The following KIAA0319L variants were observed in gnomAD, a reference collection of about 807,000 sequenced individuals.
KIAA0319L encodes dyslexia-associated protein KIAA0319-like protein.
Under a neutral mutation model 120.1 loss-of-function variants are expected in KIAA0319L, and 55 were observed. The observed-to-expected ratio is 0.46, with a 90% confidence interval of 0.37 to 0.57. The LOEUF (loss-of-function observed/expected upper bound fraction) is 0.57, where lower values mean the gene tolerates loss of function less well. KIAA0319L is among the 20% of genes least tolerant of loss of function. The pLI is 0.00. For synonymous variants in KIAA0319L, 398 were observed against 471.9 expected (o/e 0.84, Z 2.03); for missense variants, 1,049 against 1,255.3 (o/e 0.84, Z 2.48).
At chr1:35,486,742 A>G (rs1238031868) in intron 3 of KIAA0319L, among the ~76,000 whole-genome samples, 1 of 150,994 alleles carries the variant, frequency 6.6e-6, no homozygotes, top group Non-Finnish European at 1.5e-5. Context: ...TTCTACAAAA[A>G]AAAAAAAAAA....
At chr1:35,483,563 T>C (rs944914437) in intron 3 of KIAA0319L, among the ~76,000 whole-genome samples, 1 of 152,230 alleles carries the variant, frequency 6.6e-6, no homozygotes, top group African/African-American at 2.4e-5. Flanking sequence ...CTGGACTCTA[T>C]ATTATGTTCC....
intron 6 of KIAA0319L, among the ~76,000 whole-genome samples, chr1:35,467,242 T>TA (rs1643328745): frequency 6.6e-6 from 1 of 152,160 alleles, no homozygotes. Context: ...TCCACAGAGT[T>TA]ACGAAATTAA....
chr1:35,550,626 TTTC>T (rs1294761681), intron 2 of KIAA0319L, among the ~76,000 whole-genome samples: 3 of 152,244 alleles, frequency 2.0e-5, no homozygotes, highest in Non-Finnish European at 1.5e-5. Flanking sequence ...TACATAATTT[TTTC>T]TTCTTTTCAC....
chr1:35,527,194 T>C (rs774711074), intron 2 of KIAA0319L, among the ~76,000 whole-genome samples: 11 of 152,206 alleles, frequency 7.2e-5, no homozygotes, highest in African/African-American at 2.7e-4. Flanking sequence ...TATCATTTTA[T>C]TGATTTGCAT....
At chr1:35,546,277 G>A (rs1198463085) in intron 2 of KIAA0319L, among the ~76,000 whole-genome samples, 2 of 152,204 alleles carry the variant, frequency 1.3e-5, no homozygotes, top group African/African-American at 2.4e-5. Flanking sequence ...TGGCTAAGAG[G>A]AGGACAAAAC....
intron 2 of KIAA0319L, among the ~76,000 whole-genome samples, chr1:35,553,120 T>G (rs1647400208): frequency 6.6e-6 from 1 of 151,648 alleles, no homozygotes; most frequent in African/African-American, 2.4e-5. Flanking sequence ...TACTAGCTCA[T>G]GCCTGGAGGC....
intron 9 of KIAA0319L, among the ~76,000 whole-genome samples, chr1:35,458,695 C>T (rs1369917681): frequency 6.6e-6 from 1 of 152,134 alleles, no homozygotes; most frequent in East Asian, 1.9e-4. Context: ...GAATTAAATG[C>T]AATACTGCCA....
intron 2 of KIAA0319L, among the ~76,000 whole-genome samples, chr1:35,522,266 CTATT>C (rs1294500298): frequency 2.6e-5 from 4 of 152,008 alleles, no homozygotes; most frequent in Admixed American, 6.6e-5. Flanking sequence ...ATCCATTTAT[CTATT>C]TATTTGTTTG....
chr1:35,437,061 A>G lies in KIAA0319L; in HGVS notation c.2963-1980T>C, dbSNP rs542409492. Reference sequence around the variant, plus strand: ...ACACCGAACCTGAGCGGGCTCTCCCAGCTCCCTTCGGTAGACACTGCCCAC... The same window carrying G: ...ACACCGAACCTGAGCGGGCTCTCCCGGCTCCCTTCGGTAGACACTGCCCAC... On this transcript the variant is annotated intron_variant, in intron 20 of 20. Transcript: ENST00000325722. This position sits in a 1 kb window ranked among gnomAD's most constrained non-coding sequence, Gnocchi z 4.1. Among the ~76,000 whole-genome samples the G allele has an allele frequency of 2.6e-5, 4 of 152,158 alleles. No individual in the cohort carries two copies. In the East Asian group the frequency reaches 5.8e-4, roughly 22 times the overall value.
chr1:35,495,040 A>G (rs779136986), intron 3 of KIAA0319L, among the ~76,000 whole-genome samples: 23 of 152,218 alleles, frequency 1.5e-4, no homozygotes, highest in Non-Finnish European at 2.6e-4. Context: ...CTCACAATGT[A>G]CAAAATAACC....
At chr1:35,548,749 C>A (rs1176389226) in intron 2 of KIAA0319L, among the ~76,000 whole-genome samples, 1 of 151,986 alleles carries the variant, frequency 6.6e-6, no homozygotes, top group East Asian at 1.9e-4. Flanking sequence ...TCCTTTGTGA[C>A]CTAGCCACCA....
At chr1:35,529,028 A>G (rs1433989142) in intron 2 of KIAA0319L, among the ~76,000 whole-genome samples, 1 of 152,054 alleles carries the variant, frequency 6.6e-6, no homozygotes, top group Non-Finnish European at 1.5e-5. Flanking sequence ...GGCAGCATAT[A>G]GTTGGGTCAA....
intron 16 of KIAA0319L, among the ~76,000 whole-genome samples, chr1:35,446,185 C>T (rs943414504): frequency 5.3e-5 from 8 of 152,228 alleles, no homozygotes; most frequent in East Asian, 1.9e-4. Flanking sequence ...AGACAACCTC[C>T]GCAAGATTCT....
intron 2 of KIAA0319L, among the ~76,000 whole-genome samples, chr1:35,529,840 C>G (rs1305296800): frequency 6.6e-6 from 1 of 152,120 alleles, no homozygotes; most frequent in Non-Finnish European, 1.5e-5. Context: ...ATCTGTATGT[C>G]TAAATCTCTT....
chr1:35,517,257 C>T (rs76169178), intron 2 of KIAA0319L, among the ~76,000 whole-genome samples: 1 of 152,142 alleles, frequency 6.6e-6, no homozygotes, highest in Admixed American at 6.6e-5. Context: ...ATAGCCCATA[C>T]AATGCTAAGC....
At chr1:35,521,150 G>A (rs1342965961) in intron 2 of KIAA0319L, among the ~76,000 whole-genome samples, 1 of 151,688 alleles carries the variant, frequency 6.6e-6, no homozygotes, top group Non-Finnish European at 1.5e-5. Context: ...AGACCAGCTT[G>A]GCCAACACAG....
intron 2 of KIAA0319L, among the ~76,000 whole-genome samples, chr1:35,531,736 C>T (rs927959095): frequency 3.3e-5 from 5 of 152,200 alleles, no homozygotes; most frequent in African/African-American, 1.2e-4. Flanking sequence ...TTATCCACCT[C>T]GCTTCCCTCT....
chr1:35,513,246 A>C lies in KIAA0319L; in HGVS notation c.143-6111T>G, dbSNP rs1415144390. Among the ~76,000 whole-genome samples the C allele has an allele frequency of 4.8e-5, 7 of 145,626 alleles. No individual in the cohort carries two copies. In the South Asian group the frequency reaches 1.5e-3, roughly 31 times the overall value. Reference sequence around the variant, plus strand: ...TTACAAATGATTTTGATTTATATATATATAAATCATATCTATATAACATAT... The same window carrying C: ...TTACAAATGATTTTGATTTATATATCTATAAATCATATCTATATAACATAT... On this transcript the variant is annotated intron_variant, in intron 2 of 20. Transcript: ENST00000325722.
At position 35,442,988 on chromosome 1, in the gene KIAA0319L, C is replaced by T. The variant is rs1280128170; in HGVS notation, c.2697G>A (p.Ser899=). 13 of 1,614,018 alleles carry T rather than the reference C, an allele frequency of 8.1e-6. No individual in the cohort carries two copies. In the Admixed American group the frequency reaches 1.2e-4, roughly 14 times the overall value. Residue 899 remains serine (S), a synonymous_variant, in exon 18 of 21, where the codon TCG becomes TCA. Coordinates refer to ENST00000325722, the MANE Select transcript of KIAA0319L (RefSeq NM_024874.5). ...GGTCACAGATACAGCGTTTGGTGAA[C>T]GAGTCACAGTGGCCATGGTCGGAAC... ...LNCSDHGHCD[S]FTKRCICDPF... is the part of the protein sequence containing the mutation.
Sources: allele counts gnomAD v4.1 joint callset (sites outside exome capture counted in the v4.1 genomes callset), GRCh38; gene constraint gnomAD v4.1.1; non-coding constraint Gnocchi (gnomAD v3.1); transcripts MANE v1.5; gene names NCBI Gene and HGNC (gene_info 2026-07-23, HGNC 2026-07-21).